HYCC2: variants seen among roughly 807,000 people sequenced by gnomAD.
HYCC2 encodes the protein hyccin PI4KA lipid kinase complex subunit 2, also known as hyccin 2.
the HYCC2 span, among the ~76,000 whole-genome samples, chr2:201,033,176 T>A: frequency 6.9e-6 from 1 of 144,976 alleles, no homozygotes; most frequent in Non-Finnish European, 1.5e-5. Flanking sequence ...TGTGTGTGTG[T>A]GTGTGTGTGT....
At chr2:201,051,034 C>T in the HYCC2 span, among the ~76,000 whole-genome samples, 1 of 152,090 alleles carries the variant, frequency 6.6e-6, no homozygotes, top group African/African-American at 2.4e-5. Context: ...CTCTTATGAA[C>T]ACAGAGGCAA....
the HYCC2 span, chr2:201,022,899 C>A: frequency 6.2e-7 from 1 of 1,613,470 alleles, no homozygotes; most frequent in Non-Finnish European, 8.5e-7. Context: ...TGTAAAGTTG[C>A]TGCATAACTG....
the HYCC2 span, among the ~76,000 whole-genome samples, chr2:201,007,528 C>T: frequency 2.0e-5 from 3 of 152,274 alleles, no homozygotes; most frequent in Non-Finnish European, 2.9e-5. Flanking sequence ...AGTTGAAAAA[C>T]CTTAAGTTGA....
At chr2:201,033,849 C>A in the HYCC2 span, among the ~76,000 whole-genome samples, 1 of 151,974 alleles carries the variant, frequency 6.6e-6, no homozygotes, top group Non-Finnish European at 1.5e-5. Context: ...AAGCCAAATA[C>A]TTTTTAAAAA....
At chr2:201,044,688 A>ATAT in the HYCC2 span, among the ~76,000 whole-genome samples, 1 of 152,226 alleles carries the variant, frequency 6.6e-6, no homozygotes, top group Non-Finnish European at 1.5e-5. Context: ...GTACAACATA[A>ATAT]GTCTTCAATG....
the HYCC2 span, chr2:201,064,120 T>G: frequency 2.3e-6 from 3 of 1,283,974 alleles, no homozygotes; most frequent in East Asian, 4.7e-5. Context: ...TTACAACAGA[T>G]TTGTGAACTC....
chr2:201,022,103 T>C, the HYCC2 span: 11 of 1,289,638 alleles, frequency 8.5e-6, no homozygotes, highest in South Asian at 1.4e-4. Flanking sequence ...GAGGCACTCT[T>C]GGAGGCTGTA....
chr2:201,008,605 A>C, the HYCC2 span, among the ~76,000 whole-genome samples: 1 of 152,074 alleles, frequency 6.6e-6, no homozygotes, highest in Non-Finnish European at 1.5e-5. Flanking sequence ...TAAATAAATA[A>C]ATAAATGGGC....
the HYCC2 span, among the ~76,000 whole-genome samples, chr2:200,985,296 G>A: frequency 6.6e-6 from 1 of 151,926 alleles, no homozygotes; most frequent in Non-Finnish European, 1.5e-5. Flanking sequence ...GCTATGAAAT[G>A]GATTTTTAAT....
the HYCC2 span, among the ~76,000 whole-genome samples, chr2:201,003,517 C>T: frequency 4.6e-5 from 7 of 151,662 alleles, no homozygotes; most frequent in East Asian, 5.9e-4. Context: ...AAGACTAGCC[C>T]GACCAAAATG....
At chr2:201,022,584 A>C in the HYCC2 span, 6 of 317,068 alleles carry the variant, frequency 1.9e-5, no homozygotes, top group South Asian at 3.2e-4. Context: ...ATCCACTGAG[A>C]TGATGGTCAA....
At chr2:200,982,081 C>T in the HYCC2 span, among the ~76,000 whole-genome samples, 3 of 151,960 alleles carry the variant, frequency 2.0e-5, no homozygotes, top group African/African-American at 7.2e-5. Context: ...TTATTTAGTC[C>T]AGTTTTTGTA....
At chr2:201,052,362 T>C in the HYCC2 span, 1 of 152,448 alleles carries the variant, frequency 6.6e-6, no homozygotes, top group African/African-American at 2.4e-5. Context: ...CCCAGCACTC[T>C]GGGAGGCCAA....
chr2:201,033,504 C>T, the HYCC2 span, among the ~76,000 whole-genome samples: 176 of 151,686 alleles, frequency 1.2e-3, no homozygotes, highest in East Asian at 0.025. Flanking sequence ...CCCGGGTTCA[C>T]GCCATTCTCC....
At chr2:201,065,850 A>G in the HYCC2 span, among the ~76,000 whole-genome samples, 5 of 152,364 alleles carry the variant, frequency 3.3e-5, no homozygotes, top group East Asian at 9.6e-4. Context: ...GCTCTGGATT[A>G]GAGACACAGA....
At chr2:200,974,854 A>G in the HYCC2 span, 1 of 151,982 alleles carries the variant, frequency 6.6e-6, no homozygotes, top group Non-Finnish European at 1.5e-5. Flanking sequence ...TTTTTCTGCA[A>G]AGAAAAAAAA....
the HYCC2 span, among the ~76,000 whole-genome samples, chr2:201,071,223 T>C: frequency 6.6e-6 from 1 of 152,162 alleles, no homozygotes; most frequent in Non-Finnish European, 1.5e-5. Context: ...AAGCAATCAC[T>C]GGGATTTCTC....
chr2:201,047,688 C>A, the HYCC2 span, among the ~76,000 whole-genome samples: 1 of 149,354 alleles, frequency 6.7e-6, no homozygotes, highest in South Asian at 2.1e-4. Context: ...AGAAAAAAAT[C>A]ATAAAAAAGC....
At chr2:201,024,925 A>G in the HYCC2 span, among the ~76,000 whole-genome samples, 1 of 151,964 alleles carries the variant, frequency 6.6e-6, no homozygotes, top group Admixed American at 6.6e-5. Context: ...CCTGGGCAAC[A>G]TGGTGAGACC....
Sources: allele counts gnomAD v4.1 joint callset (sites outside exome capture counted in the v4.1 genomes callset), GRCh38; gene constraint gnomAD v4.1.1; transcripts MANE v1.5; gene names NCBI Gene and HGNC (gene_info 2026-07-23, HGNC 2026-07-21).